ZXDC: variants seen among roughly 807,000 people sequenced by gnomAD.
ZXDC encodes the protein zinc finger protein ZXDC.
A neutral mutation model predicts 63.6 loss-of-function variants in ZXDC; 58 were observed. That is an observed-to-expected ratio of 0.91 (90% CI 0.74 to 1.13). The LOEUF (loss-of-function observed/expected upper bound fraction) is 1.13, where lower values mean the gene tolerates loss of function less well. ZXDC is among the 50% of genes most tolerant of loss of function. The pLI is 0.00. For missense variants in ZXDC, 1,133 were observed against 1,148.9 expected (o/e 0.99, Z 0.20); for synonymous variants, 561 against 496.1 (o/e 1.13, Z -1.74).
intron 7 of ZXDC, among the ~76,000 whole-genome samples, chr3:126,448,370 C>T (rs367892894): frequency 8.5e-5 from 13 of 152,186 alleles, no homozygotes; most frequent in African/African-American, 2.4e-4. Context: ...TCAGTACAGC[C>T]GTGCATTTTG....
chr3:126,446,685 G>C (rs958588210), intron 7 of ZXDC, among the ~76,000 whole-genome samples: 1 of 152,168 alleles, frequency 6.6e-6, no homozygotes, highest in African/African-American at 2.4e-5. Flanking sequence ...GAGGTCACTG[G>C]GGCTTAACTC....
rs375307310 is a variant in ZXDC at position 126,459,753 on chromosome 3, A to G, written c.2128-16T>C. 1.5e-5 allele frequency: 25 copies of G among 1,614,052 alleles called. No individual in the cohort carries two copies. The highest frequency in any genetic ancestry group is 6.7e-5 in the Admixed American group (4 of 60,002). On this transcript the variant is annotated splice_polypyrimidine_tract_variant and intron_variant, in intron 6 of 9. Coordinates refer to ENST00000389709, the MANE Select transcript of ZXDC (RefSeq NM_025112.5). ...CCCCACTTTCCTGAGACCAAAGAAAAGCATGTCAGTCACTTATCTAGACAC... is the reference window on the plus strand; with the variant it reads ...CCCCACTTTCCTGAGACCAAAGAAAGGCATGTCAGTCACTTATCTAGACAC...
rs114301304 is a variant in ZXDC at position 126,438,552 on chromosome 3, G to A, written c.2491-91C>T. ...ACACAGCAGGACACTGACCAGGCCC[G>A]TGGTGAGATACCTGACTTCTCTTAC... is the stretch of plus-strand genomic sequence containing the variant. On this transcript the variant is annotated intron_variant, in intron 9 of 9. Transcript: ENST00000389709. 446 of 1,140,404 alleles carry A rather than the reference G, an allele frequency of 3.9e-4. 1 individual carries two copies. The African/African-American group carries it at 6.0e-3, about 15-fold the overall frequency. The allele number at this position is 1,140,404 out of a possible 1,614,324, so 70.6% of individuals were successfully genotyped here.
chr3:126,454,622 T>C, intron 7 of ZXDC: 1 of 985,446 alleles, frequency 1.0e-6, no homozygotes, highest in Non-Finnish European at 1.2e-6. Flanking sequence ...GGTGCCCTCA[T>C]TACACTTCAC....
intron 8 of ZXDC, chr3:126,441,081 C>T: frequency 1.0e-6 from 1 of 985,622 alleles, no homozygotes; most frequent in East Asian, 1.1e-4. Context: ...TCCCCAAATC[C>T]TTCCAAATCA....
intron 7 of ZXDC, chr3:126,457,328 G>A: frequency 1.0e-6 from 1 of 985,438 alleles, no homozygotes; most frequent in Non-Finnish European, 1.2e-6. Flanking sequence ...GAGGAGCGCT[G>A]TGCAGGAATA....
At chr3:126,457,308 A>G (rs1934346461) in intron 7 of ZXDC, 1 of 985,440 alleles carries the variant, frequency 1.0e-6, no homozygotes, top group South Asian at 4.7e-5. Context: ...ACACTGTGAC[A>G]AGACACACAG....
intron 7 of ZXDC, chr3:126,442,594 GA>G (rs1169368123): frequency 2.0e-5 from 3 of 152,244 alleles, no homozygotes; most frequent in Non-Finnish European, 2.9e-5. Context: ...CAGGGATCTG[GA>G]AAAGGAACTC....
intron 7 of ZXDC, 102 bp from the exon 8 acceptor site, chr3:126,442,048 T>C (rs1933702809): frequency 2.0e-6 from 2 of 1,021,688 alleles, no homozygotes; most frequent in Admixed American, 6.6e-5. Flanking sequence ...TCCCATTAAT[T>C]GTCATTCTGC....
chr3:126,471,028 G>A lies in ZXDC; in HGVS notation c.1140-3C>T. 1.2e-6 allele frequency: 2 copies of A among 1,612,800 alleles called. No homozygotes were observed. Among genetic ancestry groups the A allele is most frequent in the Non-Finnish European group, 1.7e-6 (2 of 1,179,022 alleles). On this transcript the variant is annotated splice_polypyrimidine_tract_variant and splice_region_variant and intron_variant, in intron 3 of 9. Coordinates refer to ENST00000389709, the MANE Select transcript of ZXDC (RefSeq NM_025112.5). ...ACCTCCGGTCATCGTCATGTTTCCT[G>A]CCAGACAGAAAAATAAAGGAGCTGT... is the stretch of plus-strand genomic sequence containing the variant.
At chr3:126,460,630 C>T (rs1934488518) in intron 6 of ZXDC, 8 of 985,378 alleles carry the variant, frequency 8.1e-6, no homozygotes, top group Non-Finnish European at 9.6e-6. Flanking sequence ...CACCTGTACA[C>T]TTAGCAACTA....
rs1286370704 is a variant in ZXDC, at chr3:126,466,185, G to A, written c.1411C>T (p.His471Tyr). 6.2e-7 allele frequency: 1 copy of A among 1,614,180 alleles called. No homozygotes were observed. Among genetic ancestry groups the A allele is most frequent in the Admixed American group, 1.7e-5 (1 of 60,006 alleles). The change falls in exon 5 of 10, where the codon CAC (histidine) becomes TAC (tyrosine). Residue 471 changes from histidine to tyrosine, a missense_variant. His to Tyr is a moderately conservative substitution (Grantham distance 83). Transcript: ENST00000389709. ...LFTSKHSMKA[H>Y]MVRQHSRRQD... ...CGCCGGCTGTGCTGTCTGACCATGT[G>A]CGCCTTCATGCTGTGCTTGGAGGTG...
intron 7 of ZXDC, chr3:126,453,053 G>A (rs1045362283): frequency 9.1e-6 from 9 of 985,244 alleles, no homozygotes; most frequent in Admixed American, 6.1e-5. Context: ...GATTTTTCAT[G>A]GGAAGCTTCT....
intron 7 of ZXDC, chr3:126,453,332 T>C: frequency 1.0e-6 from 1 of 985,458 alleles, no homozygotes; most frequent in Non-Finnish European, 1.2e-6. Context: ...CCATATCCCC[T>C]TAAGGATATG....
At chr3:126,457,533 G>A (rs1934355327) in intron 7 of ZXDC, 1 of 985,346 alleles carries the variant, frequency 1.0e-6, no homozygotes, top group South Asian at 4.7e-5. Flanking sequence ...GACCTAGCAG[G>A]TACCAGGTTT....
intron 5 of ZXDC, among the ~76,000 whole-genome samples, chr3:126,465,914 A>T (rs111565353): frequency 0.01 from 1,537 of 152,058 alleles, 28 homozygotes; most frequent in African/African-American, 0.035. Flanking sequence ...ACACCACTGC[A>T]CTCCAGTCAG....
intron 8 of ZXDC, chr3:126,440,296 G>A (rs965694887): frequency 5.4e-5 from 53 of 988,732 alleles, no homozygotes; most frequent in South Asian, 1.4e-4. Context: ...TTCACACCCC[G>A]AAGCGGAGCT....
intron 8 of ZXDC, 21 bp from the exon 9 acceptor site, chr3:126,439,748 G>A (rs1426399034): frequency 6.5e-7 from 1 of 1,547,268 alleles, no homozygotes; most frequent in Admixed American, 2.0e-5. Flanking sequence ...AACACAGAAA[G>A]GCCTGTCACA....
At chr3:126,457,951 T>C (rs1934372634) in intron 7 of ZXDC, among the ~76,000 whole-genome samples, 1 of 152,124 alleles carries the variant, frequency 6.6e-6, no homozygotes. Flanking sequence ...ATCATTAAGG[T>C]CCAGACTGGC....
Sources: gnomAD v4.1 joint callset for allele counts (sites outside exome capture counted in the v4.1 genomes callset) on GRCh38, gnomAD v4.1.1 for gene constraint, MANE v1.5 for transcripts, NCBI Gene and HGNC (gene_info 2026-07-23, HGNC 2026-07-21) for gene names.